Variants in CTIF observed in about 807,000 individuals in gnomAD.
The protein encoded by CTIF is cap binding complex dependent translation initiation factor, also known as CBP80/20-dependent translation initiation factor.
CTIF carries 21 observed loss-of-function variants against 66.0 expected under a neutral mutation model. The ratio of observed to expected loss-of-function variants is 0.32; its 90% CI spans 0.23 to 0.46. The LOEUF (loss-of-function observed/expected upper bound fraction) is 0.46, where lower values mean the gene tolerates loss of function less well. Ranked by LOEUF, CTIF falls within the 20% of genes least tolerant of loss-of-function variation. CTIF has a pLI of 1.00. For missense variants in CTIF, 739 were observed against 812.7 expected (o/e 0.91, Z 1.10); for synonymous variants, 345 against 326.4 (o/e 1.06, Z -0.62).
intron 1 of CTIF, among the ~76,000 whole-genome samples, chr18:48,615,671 C>T (rs778066605): frequency 5.6e-4 from 86 of 152,332 alleles, no homozygotes; most frequent in Non-Finnish European, 9.7e-4. Flanking sequence ...CCATTGAGGG[C>T]AGCCGCATGG....
chr18:48,590,611 TG>T (rs2089867784), intron 1 of CTIF, among the ~76,000 whole-genome samples: 1 of 152,194 alleles, frequency 6.6e-6, no homozygotes, highest in South Asian at 2.1e-4. Flanking sequence ...TGCCCTTCCC[TG>T]GAACCATGCT....
chr18:48,552,592 G>A lies in CTIF; in HGVS notation c.-29+13280G>A, dbSNP rs535075197. On this transcript the variant is annotated intron_variant, in intron 1 of 11. Coordinates refer to ENST00000256413, the MANE Select transcript of CTIF (RefSeq NM_014772.3). ...GTTCTCTGGGGTGTCCTTTATGAGG[G>A]CACTAACCTCATTCATGAGGCTCTG... Among the ~76,000 whole-genome samples the A allele has an allele frequency of 1.3e-3, 201 of 152,210 alleles. 4 individuals carry two copies. The South Asian group carries it at 0.02, about 15-fold the overall frequency.
intron 7 of CTIF, among the ~76,000 whole-genome samples, chr18:48,728,753 A>AGAGAGAGAGAGAGAGAGAGAGAGAGAGG (rs1406010185): frequency 1.6e-4 from 24 of 150,256 alleles, no homozygotes; most frequent in African/African-American, 5.8e-4. Flanking sequence ...AGAGAGAGAG[A>AGAGAGAGAGAGAGAGAGAGAGAGAGAGG]GAGAGAGAGA....
intron 3 of CTIF, among the ~76,000 whole-genome samples, chr18:48,658,315 C>T (rs1173247631): frequency 6.6e-6 from 1 of 151,452 alleles, no homozygotes; most frequent in Non-Finnish European, 1.5e-5. Context: ...TGGCATGTGC[C>T]TGTATGTGTG....
chr18:48,738,319 T>G (rs2092522222), intron 7 of CTIF, among the ~76,000 whole-genome samples: 1 of 152,174 alleles, frequency 6.6e-6, no homozygotes. Context: ...TCTCACCTTT[T>G]TCAATGTCAT....
chr18:48,830,050 T>G (rs1294755618), intron 10 of CTIF, among the ~76,000 whole-genome samples: 1 of 152,192 alleles, frequency 6.6e-6, no homozygotes, highest in Non-Finnish European at 1.5e-5. Context: ...ATCAGCCTTC[T>G]CTTGTAGCCA....
chr18:48,629,305 T>G (rs1051394411), intron 2 of CTIF, among the ~76,000 whole-genome samples: 1 of 152,238 alleles, frequency 6.6e-6, no homozygotes, highest in Non-Finnish European at 1.5e-5. Flanking sequence ...TAACTATGCA[T>G]TTTGAAATAA....
chr18:48,762,685 C>T (rs117960893), intron 9 of CTIF, among the ~76,000 whole-genome samples: 1 of 152,308 alleles, frequency 6.6e-6, no homozygotes, highest in East Asian at 1.9e-4. Context: ...GGTGACCATA[C>T]AATAGATCAT....
intron 3 of CTIF, among the ~76,000 whole-genome samples, chr18:48,662,866 A>G (rs2091369833): frequency 6.6e-6 from 1 of 152,170 alleles, no homozygotes. Context: ...GTGATACTCC[A>G]ATATGTGAAC....
At chr18:48,751,768 A>G (rs1907837990) in intron 7 of CTIF, among the ~76,000 whole-genome samples, 1 of 152,168 alleles carries the variant, frequency 6.6e-6, no homozygotes, top group Admixed American at 6.5e-5. Context: ...ACAGCTGAAC[A>G]GCTTTGTCAC....
chr18:48,547,256 G>T (rs2088773984), intron 1 of CTIF, among the ~76,000 whole-genome samples: 2 of 152,172 alleles, frequency 1.3e-5, no homozygotes, highest in African/African-American at 4.8e-5. Context: ...CTTCAGATGA[G>T]CCCCGTCTAG....
chr18:48,829,911 C>T (rs920356250), intron 10 of CTIF, among the ~76,000 whole-genome samples: 1 of 152,206 alleles, frequency 6.6e-6, no homozygotes, highest in African/African-American at 2.4e-5. Context: ...TTTTCTCCTC[C>T]CTTCTGTCCA....
intron 6 of CTIF, among the ~76,000 whole-genome samples, chr18:48,693,578 A>G (rs1312402183): frequency 6.6e-6 from 1 of 152,172 alleles, no homozygotes; most frequent in African/African-American, 2.4e-5. Context: ...AGGTCCTTCT[A>G]TGAAGGAGTG....
chr18:48,592,769 C>T (rs1374202611), intron 1 of CTIF, among the ~76,000 whole-genome samples: 2 of 152,176 alleles, frequency 1.3e-5, no homozygotes, highest in Admixed American at 6.5e-5. Context: ...CAGGGAGTGG[C>T]GGGGACTAAT....
At chr18:48,544,117 T>G (rs528531077) in intron 1 of CTIF, among the ~76,000 whole-genome samples, 2 of 152,244 alleles carry the variant, frequency 1.3e-5, no homozygotes, top group Non-Finnish European at 2.9e-5. Context: ...TTTCATTTGA[T>G]TCTCAACTGA....
intron 6 of CTIF, among the ~76,000 whole-genome samples, chr18:48,688,684 C>T (rs554175437): frequency 6.6e-6 from 1 of 152,322 alleles, no homozygotes; most frequent in African/African-American, 2.4e-5. Context: ...GTCCCTTGGT[C>T]GCTGGTCTTC....
intron 6 of CTIF, among the ~76,000 whole-genome samples, chr18:48,705,652 C>T (rs900988450): frequency 3.3e-5 from 5 of 152,240 alleles, no homozygotes; most frequent in Admixed American, 2.0e-4. Context: ...TCACCAGCAA[C>T]GGTCCTCGGA....
intron 1 of CTIF, among the ~76,000 whole-genome samples, chr18:48,563,034 C>G (rs1459346000): frequency 6.6e-6 from 1 of 152,240 alleles, no homozygotes; most frequent in Non-Finnish European, 1.5e-5. Flanking sequence ...GCAAATGACC[C>G]CACATAGCCT....
rs144401386 is a variant in CTIF, at chr18:48,620,509, T to C, written c.180+764T>C. The stretch of plus-strand genomic sequence containing the variant: ...TTCCAGATTGGCTTCTAGCTGCCAG[T>C]GTGACCTTGGGCAGAACCTTCAATG... On this transcript the variant is annotated intron_variant, in intron 2 of 11. Transcript: ENST00000256413. 4.0e-4 allele frequency among the ~76,000 whole-genome samples: 61 copies of C among 152,372 alleles called. No individual in the cohort carries two copies. In the East Asian group the frequency reaches 0.012, roughly 29 times the overall value.
Sources: allele counts gnomAD v4.1 joint callset (sites outside exome capture counted in the v4.1 genomes callset), GRCh38; gene constraint gnomAD v4.1.1; transcripts MANE v1.5; gene names NCBI Gene and HGNC (gene_info 2026-07-23, HGNC 2026-07-21).